The following ZFAND1 variants were observed in gnomAD, a reference collection of about 807,000 sequenced individuals.
ZFAND1 encodes the protein zinc finger AN1-type containing 1, also known as AN1-type zinc finger protein 1.
Under a neutral mutation model 38.5 loss-of-function variants are expected in ZFAND1, and 40 were observed. The ratio of observed to expected loss-of-function variants is 1.04; its 90% CI spans 0.81 to 1.35. The LOEUF is 1.35. Among genes scored for constraint, ZFAND1 ranks in the 40% most tolerant of loss-of-function variants. The probability of loss-of-function intolerance (pLI) is 0.00; values close to 1 mark genes in which losing one functional copy is unlikely to be tolerated. For missense variants in ZFAND1, 346 were observed against 316.3 expected (o/e 1.09, Z -0.71); for synonymous variants, 117 against 103.6 (o/e 1.13, Z -0.78).
intron 6 of ZFAND1, 32 bp from the exon 7 acceptor site, chr8:81,703,156 C>T (rs372206394): frequency 1.1e-5 from 16 of 1,440,610 alleles, no homozygotes; most frequent in East Asian, 4.8e-5. Flanking sequence ...ACAACCATTA[C>T]ATAGACAAAA....
intron 6 of ZFAND1, among the ~76,000 whole-genome samples, chr8:81,709,876 G>T (rs887644997): frequency 1.3e-5 from 2 of 152,192 alleles, no homozygotes; most frequent in South Asian, 4.1e-4. Flanking sequence ...ACAGTTAATA[G>T]TGCATACCTT....
intron 6 of ZFAND1, chr8:81,708,938 T>G: frequency 2.9e-6 from 1 of 343,002 alleles, no homozygotes; most frequent in Non-Finnish European, 4.7e-6. Flanking sequence ...GTCAATGAAA[T>G]TTGATTCGAA....
Position 81,701,340 on chromosome 8 carries a change from T to C in ZFAND1, c.*1355A>G, listed in dbSNP as rs1807803831. 6.6e-6 allele frequency: 1 copy of C among 152,242 alleles called. No individual in the cohort carries two copies. Among genetic ancestry groups the C allele is most frequent in the Admixed American group, 6.5e-5 (1 of 15,284 alleles). 9.4% of individuals were successfully genotyped at this position (152,242 alleles called of 1,614,324 possible). On this transcript the variant is annotated 3_prime_UTR_variant, in exon 8 of 8. Coordinates refer to ENST00000220669, the MANE Select transcript of ZFAND1 (RefSeq NM_024699.3). ...GAAGGCTCAGATATTATTAGCATTT[T>C]TTAGCAATAAAGTATTTTTTTACTT...
intron 2 of ZFAND1, among the ~76,000 whole-genome samples, chr8:81,717,902 G>A (rs893510928): frequency 9.9e-5 from 15 of 151,788 alleles, no homozygotes; most frequent in African/African-American, 3.6e-4. Flanking sequence ...ATTATAACTG[G>A]ATCTTTACCA....
chr8:81,712,611 G>T (rs1441177361), intron 6 of ZFAND1, among the ~76,000 whole-genome samples: 2 of 151,986 alleles, frequency 1.3e-5, no homozygotes, highest in East Asian at 3.9e-4. Context: ...TATTTATAAT[G>T]ACAACAAAAA....
intron 3 of ZFAND1, 129 bp from the exon 4 acceptor site, chr8:81,715,243 G>T: frequency 1.1e-6 from 1 of 875,604 alleles, no homozygotes; most frequent in Non-Finnish European, 1.7e-6. Flanking sequence ...TACTCTCAAA[G>T]ATTATAAAGA....
intron 6 of ZFAND1, among the ~76,000 whole-genome samples, chr8:81,704,218 C>T (rs1238894967): frequency 6.6e-6 from 1 of 152,074 alleles, no homozygotes; most frequent in Non-Finnish European, 1.5e-5. Context: ...CTGCCCTCTC[C>T]TTATATTGTA....
Position 81,702,730 on chromosome 8 carries a change from G to C in ZFAND1, c.772C>G (p.Gln258Glu), listed in dbSNP as rs1807847418. Residue 258 changes from glutamine (Q) to glutamate (E), a missense_variant, in exon 8 of 8, where the codon CAA becomes GAA. Physicochemically the swap from Gln to Glu is conservative, Grantham distance 29. Transcript: ENST00000220669. ...IILEYLNDEE[Q>E]FCKNVESYLE ...TAAGATTCAACATTTTTACAGAATT[G>C]TTCTTCATCATTAAGATATTCCAAG... is the stretch of plus-strand genomic sequence containing the variant. 2 of 1,571,114 alleles carry C rather than the reference G, an allele frequency of 1.3e-6. No individual in the cohort carries two copies. Among genetic ancestry groups the C allele is most frequent in the Admixed American group, 1.9e-5 (1 of 52,322 alleles).
chr8:81,708,277 C>T (rs1356142094), intron 6 of ZFAND1, among the ~76,000 whole-genome samples: 5 of 140,654 alleles, frequency 3.6e-5, no homozygotes, highest in Non-Finnish European at 7.7e-5. Context: ...AAGGCTAATG[C>T]AAAACAAAAC....
intron 6 of ZFAND1, 64 bp from the exon 7 acceptor site, chr8:81,703,188 T>A (rs1807865730): frequency 8.4e-7 from 1 of 1,186,708 alleles, no homozygotes; most frequent in Non-Finnish European, 1.1e-6. Context: ...TTTTGTCTGG[T>A]GCCAACCGTT....
chr8:81,707,005 C>A (rs1398847605), intron 6 of ZFAND1, among the ~76,000 whole-genome samples: 1 of 152,080 alleles, frequency 6.6e-6, no homozygotes, highest in African/African-American at 2.4e-5. Flanking sequence ...AAGGTCCTTA[C>A]AGAAAGACAA....
chr8:81,720,040 T>C (rs1196657024), intron 1 of ZFAND1, among the ~76,000 whole-genome samples: 1 of 152,206 alleles, frequency 6.6e-6, no homozygotes, highest in Non-Finnish European at 1.5e-5. Flanking sequence ...ATTCCCACAG[T>C]AGAAATCACT....
intron 6 of ZFAND1, among the ~76,000 whole-genome samples, chr8:81,706,366 G>GAAAAAAA (rs1563603916): frequency 1.5e-4 from 1 of 6,846 alleles, no homozygotes. Context: ...TAAGGAAGGA[G>GAAAAAAA]AAACAAAAAA....
Position 81,715,032 on chromosome 8 carries a change from A to C in ZFAND1, c.221T>G (p.Leu74Arg). 1 of 1,614,144 alleles carries C rather than the reference A, an allele frequency of 6.2e-7. No homozygotes were observed. Among genetic ancestry groups the C allele is most frequent in the African/African-American group, 1.3e-5 (1 of 75,056 alleles). ...CSFKDCAERE[L>R]VAVICPYCEK... The stretch of plus-strand genomic sequence containing the variant: ...ACAATAAGGACATATAACTGCCACA[A>C]GTTCTCTCTCAGCACAGTCTTTGAA... Residue 74 changes from leucine (L) to arginine (R), a missense_variant, in exon 4 of 8, where the codon CTT becomes CGT. Transcript: ENST00000220669.
intron 6 of ZFAND1, among the ~76,000 whole-genome samples, chr8:81,712,361 A>C (rs1282044415): frequency 1.3e-5 from 2 of 152,154 alleles, no homozygotes; most frequent in African/African-American, 2.4e-5. Context: ...CATATTATTC[A>C]ACATTGTTCT....
At chr8:81,711,651 C>A (rs1228375126) in intron 6 of ZFAND1, among the ~76,000 whole-genome samples, 6 of 151,870 alleles carry the variant, frequency 4.0e-5, no homozygotes, top group African/African-American at 1.5e-4. Flanking sequence ...AGGAAAAGTA[C>A]AAATGAAAAA....
intron 3 of ZFAND1, among the ~76,000 whole-genome samples, chr8:81,715,404 G>A (rs1808276658): frequency 6.6e-6 from 1 of 152,038 alleles, no homozygotes; most frequent in African/African-American, 2.4e-5. Context: ...TCATACAAAG[G>A]TGCCCCTATG....
chr8:81,713,156 T>C (rs1808190343), intron 6 of ZFAND1, among the ~76,000 whole-genome samples: 1 of 152,146 alleles, frequency 6.6e-6, no homozygotes, highest in South Asian at 2.1e-4. Flanking sequence ...GGAGTCTCGC[T>C]CTGTCGCCCA....
chr8:81,708,687 A>G, intron 6 of ZFAND1: 1 of 901,954 alleles, frequency 1.1e-6, no homozygotes, highest in Non-Finnish European at 1.4e-6. Flanking sequence ...AAATATTAAA[A>G]AGAATGCTAA....
Sources: gnomAD v4.1 joint callset for allele counts (sites outside exome capture counted in the v4.1 genomes callset) on GRCh38, gnomAD v4.1.1 for gene constraint, MANE v1.5 for transcripts, NCBI Gene and HGNC (gene_info 2026-07-23, HGNC 2026-07-21) for gene names.